The following ASTN2 variants were observed in gnomAD, a reference collection of about 807,000 sequenced individuals.
The protein encoded by ASTN2 is astrotactin 2.
A neutral mutation model predicts 139.8 loss-of-function variants in ASTN2; 54 were observed. The ratio of observed to expected loss-of-function variants is 0.39; its 90% CI spans 0.31 to 0.48. ASTN2 has a LOEUF of 0.48. Among genes scored for constraint, ASTN2 ranks in the 20% least tolerant of loss-of-function variants. ASTN2 has a pLI of 0.95. For missense variants in ASTN2, 1,565 were observed against 1,725.1 expected (o/e 0.91, Z 1.64); for synonymous variants, 756 against 719.5 (o/e 1.05, Z -0.81).
At chr9:116,641,205 A>C (rs1043889338) in intron 17 of ASTN2, among the ~76,000 whole-genome samples, 8 of 152,162 alleles carry the variant, frequency 5.3e-5, no homozygotes, top group African/African-American at 1.9e-4. Context: ...CTTTTTCAAA[A>C]GTTTTGGCTG....
At chr9:117,166,578 C>T (rs1043300606) in intron 3 of ASTN2, among the ~76,000 whole-genome samples, 1 of 152,028 alleles carries the variant, frequency 6.6e-6, no homozygotes, top group South Asian at 2.1e-4. Flanking sequence ...TCTCACAGCT[C>T]CTTCACATAT....
chr9:117,011,453 T>A (rs904777798), intron 6 of ASTN2, among the ~76,000 whole-genome samples: 1 of 152,184 alleles, frequency 6.6e-6, no homozygotes, highest in African/African-American at 2.4e-5. Context: ...TGGACCCTTA[T>A]CAAACACTTA....
intron 10 of ASTN2, among the ~76,000 whole-genome samples, chr9:116,939,601 G>T (rs1835170896): frequency 6.6e-6 from 1 of 152,054 alleles, no homozygotes; most frequent in Admixed American, 6.6e-5. Flanking sequence ...AATCATTTGT[G>T]TCATTCTTTT....
At chr9:116,427,206 C>A (rs868301777) in intron 22 of ASTN2, among the ~76,000 whole-genome samples, 23 of 152,218 alleles carry the variant, frequency 1.5e-4, no homozygotes, top group African/African-American at 5.1e-4. Context: ...TCCCAGGGCC[C>A]CACCTACCGC....
intron 2 of ASTN2, among the ~76,000 whole-genome samples, chr9:117,230,116 TA>T (rs11336686): frequency 0.36 from 49,920 of 138,336 alleles, 8,936 homozygotes; most frequent in Middle Eastern, 0.47. Context: ...GACTCTATCT[TA>T]AAAAAAAAAA....
intron 1 of ASTN2, among the ~76,000 whole-genome samples, chr9:117,393,434 GA>G (rs1007776002): frequency 9.9e-5 from 15 of 151,458 alleles, no homozygotes; most frequent in African/African-American, 1.9e-4. Flanking sequence ...GAAAGCGAGA[GA>G]AAAAAACACT....
chr9:117,405,747 T>C (rs1369745549), intron 1 of ASTN2, among the ~76,000 whole-genome samples: 1 of 152,236 alleles, frequency 6.6e-6, no homozygotes, highest in African/African-American at 2.4e-5. Flanking sequence ...AACCATGGTG[T>C]ATCATTTCCC....
chr9:117,257,440 C>A (rs1176301888), intron 2 of ASTN2, among the ~76,000 whole-genome samples: 1 of 152,194 alleles, frequency 6.6e-6, no homozygotes, highest in African/African-American at 2.4e-5. Context: ...ATAGGCAAAT[C>A]TGTTCAAAAA....
rs1831280895 is a variant in ASTN2 at position 117,414,766 on chromosome 9, T to C, written c.173A>G (p.Glu58Gly). 3.2e-6 allele frequency: 4 copies of C among 1,264,852 alleles called. No homozygotes were observed. Among genetic ancestry groups the C allele is most frequent in the Admixed American group, 7.7e-5 (2 of 25,828 alleles). The allele number at this position is 1,264,852 out of a possible 1,614,324, so 78.4% of individuals were successfully genotyped here. A position where few individuals can be genotyped will look rare whatever the true frequency, so the allele number is the denominator to read the frequency against. Residue 58 changes from glutamate (E) to glycine (G), a missense_variant, in exon 1 of 23, where the codon GAG becomes GGG. By Grantham distance (98) the Glu-to-Gly change is moderately conservative. Around this residue, in one of 4 missense-constraint regions of ASTN2, gnomAD observed 596 missense variants for 576.8 expected, o/e 1.03. Coordinates refer to ENST00000313400, the MANE Select transcript of ASTN2 (RefSeq NM_001365068.1). The surrounding 1 kb of genome is among the most constrained non-coding windows in gnomAD (Gnocchi z 4.2). Reference sequence around the variant, plus strand: ...CTTCAGCCGGCACGGGCTGTCGGGCTCCCGCGAGGCAGCGGCGGTGGCGCC... The same window carrying C: ...CTTCAGCCGGCACGGGCTGTCGGGCCCCCGCGAGGCAGCGGCGGTGGCGCC... ...LAGATAAASREPDSPCRLKTV... is the reference protein window; with the variant it reads ...LAGATAAASRGPDSPCRLKTV...
At chr9:117,185,231 G>T (rs745634639) in intron 3 of ASTN2, among the ~76,000 whole-genome samples, 6 of 152,146 alleles carry the variant, frequency 3.9e-5, no homozygotes, top group Non-Finnish European at 7.4e-5. Context: ...TATATGAAAA[G>T]AATCCTGTGG....
chr9:116,901,871 T>C (rs983287020), intron 10 of ASTN2, among the ~76,000 whole-genome samples: 1 of 151,800 alleles, frequency 6.6e-6, no homozygotes, highest in Non-Finnish European at 1.5e-5. Flanking sequence ...CTATTGAAAA[T>C]ACAAAAATTA....
intron 10 of ASTN2, among the ~76,000 whole-genome samples, chr9:116,965,603 C>T (rs1156740046): frequency 6.6e-6 from 1 of 152,134 alleles, no homozygotes; most frequent in African/African-American, 2.4e-5. Context: ...AAACAGAATC[C>T]TAATATTATC....
intron 5 of ASTN2, among the ~76,000 whole-genome samples, chr9:117,040,987 C>A (rs138307170): frequency 6.6e-6 from 1 of 152,296 alleles, no homozygotes; most frequent in Non-Finnish European, 1.5e-5. Context: ...AAAAGTCAAG[C>A]TTATCCATAG....
At chr9:117,129,332 A>G (rs1469610445) in intron 4 of ASTN2, among the ~76,000 whole-genome samples, 1 of 152,178 alleles carries the variant, frequency 6.6e-6, no homozygotes, top group Non-Finnish European at 1.5e-5. Flanking sequence ...GCTTCTCCCT[A>G]TCTCCACCCC....
intron 16 of ASTN2, among the ~76,000 whole-genome samples, chr9:116,704,113 C>T (rs1262614646): frequency 6.6e-6 from 1 of 152,162 alleles, no homozygotes; most frequent in African/African-American, 2.4e-5. Flanking sequence ...TGAATCACAG[C>T]TCTGCATTTT....
At chr9:117,080,174 A>G (rs2132723629) in intron 5 of ASTN2, among the ~76,000 whole-genome samples, 2 of 152,366 alleles carry the variant, frequency 1.3e-5, no homozygotes, top group East Asian at 1.9e-4. Flanking sequence ...AAATACATGC[A>G]TAATATATAA....
rs1564397050 is a variant in ASTN2 at position 117,040,249 on chromosome 9, CAA to C, written c.1277-286_1277-285del. On this transcript the variant is annotated intron_variant, in intron 5 of 22. Transcript: ENST00000313400. Reference sequence around the variant, plus strand: ...ATGGCAATTTTCACTCCTCCCTTCCCAATTCGGTTGGTCATTCTTGATAACAA... The same window carrying C: ...ATGGCAATTTTCACTCCTCCCTTCCCTTCGGTTGGTCATTCTTGATAACAA... 3.3e-5 allele frequency among the ~76,000 whole-genome samples: 5 copies of C among 152,242 alleles called. No individual in the cohort carries two copies. In the South Asian group the frequency reaches 1.0e-3, roughly 32 times the overall value.
intron 2 of ASTN2, among the ~76,000 whole-genome samples, chr9:117,256,750 A>G (rs1833697787): frequency 6.6e-6 from 1 of 152,224 alleles, no homozygotes; most frequent in African/African-American, 2.4e-5. Context: ...CAATTCCCCT[A>G]CTACTATTAT....
chr9:117,128,371 C>CAAAAAAAAAA (rs1167187783), intron 4 of ASTN2, among the ~76,000 whole-genome samples: 16 of 66,444 alleles, frequency 2.4e-4, no homozygotes, highest in East Asian at 1.1e-3. Flanking sequence ...GACACTGTCT[C>CAAAAAAAAAA]AAAAAAAAAA....
Sources: allele counts gnomAD v4.1 joint callset (sites outside exome capture counted in the v4.1 genomes callset), GRCh38; gene constraint gnomAD v4.1.1; regional missense constraint gnomAD v4.1.1; non-coding constraint Gnocchi (gnomAD v3.1); transcripts MANE v1.5; gene names NCBI Gene and HGNC (gene_info 2026-07-23, HGNC 2026-07-21).